Variants in LCOR observed in about 807,000 individuals in gnomAD.
LCOR encodes ligand dependent nuclear receptor corepressor, also known as ligand-dependent corepressor.
LCOR carries 14 observed loss-of-function variants against 64.4 expected under a neutral mutation model. The ratio of observed to expected loss-of-function variants is 0.22; its 90% CI spans 0.14 to 0.34. The LOEUF (loss-of-function observed/expected upper bound fraction) is 0.34. Ranked by LOEUF, LCOR falls within the 10% of genes least tolerant of loss-of-function variation. LCOR has a pLI of 1.00. For synonymous variants in LCOR, 643 were observed against 642.5 expected, an observed-to-expected ratio of 1.00 and a Z score of -0.01; for missense variants, 1,686 against 1,765.3, an observed-to-expected ratio of 0.96 and a Z score of 0.80.
At chr10:96,885,287 A>G (rs892983931) in intron 2 of LCOR, among the ~76,000 whole-genome samples, 5 of 152,226 alleles carry the variant, frequency 3.3e-5, no homozygotes, top group Admixed American at 2.6e-4. Flanking sequence ...AGAATGTAAC[A>G]ATGCATGTTT....
intron 2 of LCOR, among the ~76,000 whole-genome samples, chr10:96,834,905 G>C (rs887562039): frequency 1.3e-5 from 2 of 152,086 alleles, no homozygotes; most frequent in African/African-American, 4.8e-5. Context: ...TTTTGTTGTT[G>C]TTTTTTCTTT....
At chr10:96,857,980 A>G (rs1480732208) in intron 2 of LCOR, among the ~76,000 whole-genome samples, 1 of 152,214 alleles carries the variant, frequency 6.6e-6, no homozygotes, top group Non-Finnish European at 1.5e-5. Context: ...AAAATTGAGT[A>G]AGAGGTAGTG....
In LCOR at chr10:96,984,706, A is replaced by G. The variant is rs1311804589; in HGVS notation, c.4246A>G (p.Thr1416Ala). The part of the protein sequence containing the change: ...SPPDSKNKGP[T>A]VKASKEKHAD... The stretch of plus-strand genomic sequence containing the variant: ...TCCAGATAGTAAGAACAAGGGGCCT[A>G]CGGTGAAAGCCAGCAAAGAAAAGCA... The change falls in exon 8 of 8, where the codon ACG becomes GCG. Residue 1416 changes from threonine to alanine, a missense_variant. Around this residue, in one of 3 missense-constraint regions of LCOR, gnomAD observed 1,293 missense variants for 1,410.4 expected, o/e 0.92. Transcript: ENST00000421806. 6.2e-6 allele frequency: 10 copies of G among 1,614,066 alleles called. No individual in the cohort carries two copies. The highest frequency in any genetic ancestry group is 2.2e-5 in the South Asian group (2 of 91,084).
At chr10:96,943,857 C>T (rs1456504810) in intron 4 of LCOR, among the ~76,000 whole-genome samples, 1 of 151,676 alleles carries the variant, frequency 6.6e-6, no homozygotes, top group Admixed American at 6.6e-5. Flanking sequence ...ATCCCTCTGG[C>T]AGTTAAAGTT....
chr10:96,837,023 G>A (rs983396469), intron 2 of LCOR, among the ~76,000 whole-genome samples: 1 of 147,240 alleles, frequency 6.8e-6, no homozygotes, highest in Non-Finnish European at 1.5e-5. Flanking sequence ...ACGGAGTCTC[G>A]CTCTGTCGCC....
intron 4 of LCOR, among the ~76,000 whole-genome samples, chr10:96,909,953 A>T (rs956170367): frequency 3.9e-5 from 6 of 152,140 alleles, no homozygotes; most frequent in Non-Finnish European, 5.9e-5. Context: ...AAAAAGAAGA[A>T]ACAGTTACTA....
In LCOR at chr10:96,984,428, A is replaced by G. The variant is rs1848126940; in HGVS notation, c.3968A>G (p.Gln1323Arg). ...YSNIRGKLRA[Q>R]QRLIKNEKME... ...AATATTCGAGGAAAGCTCAGAGCCC[A>G]GCAACGTTTAATCAAGAATGAGAAA... The change falls in exon 8 of 8, where the codon CAG (glutamine) becomes CGG (arginine). Residue 1323 changes from glutamine to arginine, a missense_variant. By Grantham distance (43) the Gln-to-Arg change is conservative. This residue lies in a region of LCOR where 1,293 missense variants were observed against 1,410.4 expected (regional missense o/e 0.92). Transcript: ENST00000421806. The G allele has an allele frequency of 6.2e-7, 1 of 1,614,132 alleles. No individual in the cohort carries two copies. Among genetic ancestry groups the G allele is most frequent in the Non-Finnish European group, 8.5e-7 (1 of 1,180,050 alleles).
At chr10:96,871,875 C>G (rs1846077993) in intron 2 of LCOR, among the ~76,000 whole-genome samples, 1 of 152,150 alleles carries the variant, frequency 6.6e-6, no homozygotes, top group Admixed American at 6.5e-5. Context: ...TACAAAACAA[C>G]AACAGTAAAC....
At chr10:96,893,232 G>A (rs1328822159) in intron 2 of LCOR, among the ~76,000 whole-genome samples, 1 of 152,030 alleles carries the variant, frequency 6.6e-6, no homozygotes, top group East Asian at 1.9e-4. Context: ...TTTATGCATT[G>A]TTTGTCCATC....
At chr10:96,950,554 C>G (rs1336160778) in intron 6 of LCOR, among the ~76,000 whole-genome samples, 1 of 152,016 alleles carries the variant, frequency 6.6e-6, no homozygotes, top group Non-Finnish European at 1.5e-5. Context: ...TGGAGGTTAA[C>G]ATAAAATGAT....
intron 2 of LCOR, among the ~76,000 whole-genome samples, chr10:96,848,724 T>TG (rs1169519080): frequency 6.6e-6 from 1 of 152,126 alleles, no homozygotes; most frequent in African/African-American, 2.4e-5. Flanking sequence ...GATGGCAGAA[T>TG]CTGAGGATCT....
intron 7 of LCOR, among the ~76,000 whole-genome samples, chr10:96,970,599 A>G (rs1221044063): frequency 2.3e-5 from 2 of 87,294 alleles, no homozygotes; most frequent in South Asian, 3.3e-4. Flanking sequence ...CCTAACCAGC[A>G]TTTTATTTTA....
chr10:96,860,484 A>T (rs777224362), intron 2 of LCOR, among the ~76,000 whole-genome samples: 1 of 152,216 alleles, frequency 6.6e-6, no homozygotes, highest in Non-Finnish European at 1.5e-5. Flanking sequence ...ATTCTTTTCT[A>T]GAGCCTTTGG....
intron 2 of LCOR, among the ~76,000 whole-genome samples, chr10:96,900,504 G>A (rs1001787296): frequency 1.3e-5 from 2 of 151,716 alleles, no homozygotes; most frequent in African/African-American, 2.4e-5. Flanking sequence ...GAACAAAAAA[G>A]TCAAAGTAGG....
At chr10:96,964,248 T>C (rs1031540050) in intron 7 of LCOR, 3 of 151,930 alleles carry the variant, frequency 2.0e-5, no homozygotes, top group Non-Finnish European at 4.4e-5. Context: ...CCCCTTTTTT[T>C]TTTTTTTGCA....
At chr10:96,912,737 A>G (rs1348911711) in intron 4 of LCOR, among the ~76,000 whole-genome samples, 2 of 150,602 alleles carry the variant, frequency 1.3e-5, no homozygotes, top group East Asian at 1.9e-4. Flanking sequence ...TAATTATACT[A>G]GTTTTTCATG....
intron 4 of LCOR, among the ~76,000 whole-genome samples, chr10:96,911,717 A>ACTGACTGC (rs1258482246): frequency 6.6e-6 from 1 of 152,180 alleles, no homozygotes; most frequent in Non-Finnish European, 1.5e-5. Context: ...TGACTGACTG[A>ACTGACTGC]CTGACTGCCT....
At chr10:96,943,208 GC>G (rs1488059163) in intron 4 of LCOR, among the ~76,000 whole-genome samples, 1 of 152,190 alleles carries the variant, frequency 6.6e-6, no homozygotes, top group Non-Finnish European at 1.5e-5. Context: ...CGATTCTCAT[GC>G]CTCAGCCTCC....
Position 96,958,099 on chromosome 10 carries a change from CAATT to C in LCOR, c.332+5908_332+5911del, listed in dbSNP as rs981703127. 7.2e-6 allele frequency: 8 copies of C among 1,108,484 alleles called. No individual in the cohort carries two copies. The African/African-American group carries it at 8.1e-5, about 11-fold the overall frequency. The allele number at this position is 1,108,484 out of a possible 1,614,324, so 68.7% of individuals were successfully genotyped here. ...ACACACTCAAGAATTTGTCAGCACA[CAATT>C]AATTGCAGCCATAGTACCTTTTTGC... On this transcript the variant is annotated intron_variant, in intron 7 of 7. Transcript: ENST00000421806.
Sources: allele counts gnomAD v4.1 joint callset (sites outside exome capture counted in the v4.1 genomes callset), GRCh38; gene constraint gnomAD v4.1.1; regional missense constraint gnomAD v4.1.1; transcripts MANE v1.5; gene names NCBI Gene and HGNC (gene_info 2026-07-23, HGNC 2026-07-21).